The following KIAA0232 variants were observed in gnomAD, a reference collection of about 807,000 sequenced individuals.
KIAA0232 encodes KIAA0232.
In KIAA0232, 27 loss-of-function variants were observed where a neutral mutation model predicts 122.0. The observed-to-expected ratio is 0.22, with a 90% confidence interval of 0.16 to 0.31. The LOEUF (loss-of-function observed/expected upper bound fraction) is 0.31, where lower values mean the gene tolerates loss of function less well. KIAA0232 is among the 10% of genes least tolerant of loss of function. The pLI, the probability that KIAA0232 is intolerant of heterozygous loss-of-function variation, is 1.00. For synonymous variants in KIAA0232, 613 were observed against 587.6 expected, an observed-to-expected ratio of 1.04 and a Z score of -0.63; for missense variants, 1,551 against 1,634.2, an observed-to-expected ratio of 0.95 and a Z score of 0.88.
At position 6,882,630 on chromosome 4, in the gene KIAA0232, GT is replaced by G. The variant is rs1387240684; in HGVS notation, c.*1665del. The G allele has an allele frequency of 4.2e-5, 6 of 144,078 alleles. No homozygotes were observed. Among genetic ancestry groups the G allele is most frequent in the South Asian group, 2.2e-4 (1 of 4,518 alleles). 8.9% of individuals were successfully genotyped at this position (144,078 alleles called of 1,614,324 possible). On this transcript the variant is annotated 3_prime_UTR_variant, in exon 10 of 10. Coordinates refer to ENST00000307659, the MANE Select transcript of KIAA0232 (RefSeq NM_014743.3). ...TTGACACTTTAAGGTGGGTGGGTGTGTGTGTGTGTGTGTGTGTGCGCGCGTG... is the reference window on the plus strand; with the variant it reads ...TTGACACTTTAAGGTGGGTGGGTGTGGTGTGTGTGTGTGTGTGCGCGCGTG...
chr4:6,814,414 A>AT (rs1234863581), intron 2 of KIAA0232, among the ~76,000 whole-genome samples: 1 of 151,800 alleles, frequency 6.6e-6, no homozygotes, highest in East Asian at 1.9e-4. Flanking sequence ...GAAATTGAGT[A>AT]TTTTGTTCTA....
chr4:6,842,315 A>T, intron 4 of KIAA0232, 111 bp downstream of exon 4: 1 of 1,079,592 alleles, frequency 9.3e-7, no homozygotes, highest in Non-Finnish European at 1.3e-6. Flanking sequence ...GTACTTATTT[A>T]TTTTACCAAG....
intron 1 of KIAA0232, among the ~76,000 whole-genome samples, chr4:6,803,749 A>G (rs959127251): frequency 2.0e-5 from 3 of 151,874 alleles, no homozygotes; most frequent in African/African-American, 7.3e-5. Flanking sequence ...ATTGTTAGCT[A>G]TTTTCTTTCC....
chr4:6,822,963 G>T (rs1466434301), intron 2 of KIAA0232, among the ~76,000 whole-genome samples: 1 of 133,016 alleles, frequency 7.5e-6, no homozygotes, highest in African/African-American at 2.9e-5. Flanking sequence ...AGAGTGTGAT[G>T]TGCCCCTTCC....
intron 4 of KIAA0232, among the ~76,000 whole-genome samples, chr4:6,845,358 T>G (rs574911377): frequency 6.6e-6 from 1 of 152,250 alleles, no homozygotes; most frequent in African/African-American, 2.4e-5. Flanking sequence ...TTTGGTTTTT[T>G]GTTTTAATTT....
intron 3 of KIAA0232, among the ~76,000 whole-genome samples, chr4:6,831,743 A>G (rs1718993813): frequency 6.6e-6 from 1 of 152,214 alleles, no homozygotes; most frequent in Non-Finnish European, 1.5e-5. Context: ...AGGGGAGGCC[A>G]GCAGAGTGCC....
At position 6,802,664 on chromosome 4, in the gene KIAA0232, A is replaced by G. The variant is rs531931146; in HGVS notation, c.-353-1859A>G. On this transcript the variant is annotated intron_variant, in intron 1 of 9. Coordinates refer to ENST00000307659, the MANE Select transcript of KIAA0232 (RefSeq NM_014743.3). ...AAGTTGACTCCAACCAGAATGCTTCATCTTCACGTCTTCCCCAAGGACATA... is the reference window on the plus strand; with the variant it reads ...AAGTTGACTCCAACCAGAATGCTTCGTCTTCACGTCTTCCCCAAGGACATA... Among the ~76,000 whole-genome samples, 102 of 152,042 alleles carry G rather than the reference A, an allele frequency of 6.7e-4. 1 individual carries two copies. The South Asian group carries it at 0.02, about 30-fold the overall frequency.
intron 4 of KIAA0232, among the ~76,000 whole-genome samples, chr4:6,846,823 A>G (rs2108754023): frequency 6.6e-6 from 1 of 152,232 alleles, no homozygotes; most frequent in African/African-American, 2.4e-5. Flanking sequence ...GAAAATTATA[A>G]TGCACAATTT....
chr4:6,877,942 T>A (rs967014236), intron 9 of KIAA0232, among the ~76,000 whole-genome samples: 6 of 152,154 alleles, frequency 3.9e-5, no homozygotes, highest in African/African-American at 1.4e-4. Context: ...TTATATGTAA[T>A]CTTCAAATAA....
intron 3 of KIAA0232, 36 bp from the exon 4 acceptor site, chr4:6,842,031 G>C (rs1207243582): frequency 6.2e-7 from 1 of 1,611,728 alleles, no homozygotes; most frequent in Non-Finnish European, 8.5e-7. Flanking sequence ...GTCCAAGTTA[G>C]CCCTGGTCAT....
intron 3 of KIAA0232, among the ~76,000 whole-genome samples, chr4:6,838,167 A>G (rs1014456419): frequency 2.0e-5 from 3 of 150,670 alleles, no homozygotes; most frequent in African/African-American, 4.9e-5. Context: ...CGAACTAGTA[A>G]GTATGAGGGT....
chr4:6,835,032 A>G (rs938531090), intron 3 of KIAA0232, among the ~76,000 whole-genome samples: 3 of 152,200 alleles, frequency 2.0e-5, no homozygotes, highest in Admixed American at 6.5e-5. Flanking sequence ...GATTCACCCA[A>G]AGTCACTCAT....
intron 3 of KIAA0232, among the ~76,000 whole-genome samples, chr4:6,839,956 A>G (rs1340606073): frequency 2.6e-5 from 4 of 152,288 alleles, no homozygotes; most frequent in South Asian, 2.1e-4. Flanking sequence ...TTTGAGCAAT[A>G]TATCAGTGGA....
At chr4:6,876,051 G>A (rs1303139093) in intron 8 of KIAA0232, among the ~76,000 whole-genome samples, 1 of 152,168 alleles carries the variant, frequency 6.6e-6, no homozygotes, top group Non-Finnish European at 1.5e-5. Context: ...GGATTTGTTT[G>A]ATATCTTCTC....
intron 3 of KIAA0232, among the ~76,000 whole-genome samples, chr4:6,832,424 C>T (rs1454463159): frequency 6.6e-6 from 1 of 150,910 alleles, no homozygotes; most frequent in African/African-American, 2.4e-5. Context: ...TCTCGGCTCA[C>T]TGCAACCTCC....
At chr4:6,805,109 C>T (rs1717555631) in intron 2 of KIAA0232, among the ~76,000 whole-genome samples, 1 of 152,164 alleles carries the variant, frequency 6.6e-6, no homozygotes, top group Non-Finnish European at 1.5e-5. Context: ...CCAGAGTATA[C>T]TTTGGGGAAA....
intron 1 of KIAA0232, among the ~76,000 whole-genome samples, chr4:6,803,337 G>A (rs561175330): frequency 6.6e-6 from 1 of 152,114 alleles, no homozygotes; most frequent in East Asian, 1.9e-4. Context: ...AAGATTTGTA[G>A]GGGGTGACTT....
At chr4:6,799,415 C>T (rs1214814160) in intron 1 of KIAA0232, among the ~76,000 whole-genome samples, 2 of 151,554 alleles carry the variant, frequency 1.3e-5, no homozygotes, top group African/African-American at 4.9e-5. Flanking sequence ...GTTCAGTCCA[C>T]AGCAGGTGTT....
chr4:6,837,713 A>G (rs1430971050), intron 3 of KIAA0232, among the ~76,000 whole-genome samples: 1 of 152,234 alleles, frequency 6.6e-6, no homozygotes, highest in East Asian at 1.9e-4. Context: ...GAAGCTGGAG[A>G]CCAGCACAGC....
Sources: gnomAD v4.1 joint callset for allele counts (sites outside exome capture counted in the v4.1 genomes callset) on GRCh38, gnomAD v4.1.1 for gene constraint, MANE v1.5 for transcripts, NCBI Gene and HGNC (gene_info 2026-07-23, HGNC 2026-07-21) for gene names.